SLC49A4: variants seen among roughly 807,000 people sequenced by gnomAD.
SLC49A4 encodes the protein disrupted in renal cancer protein 2.
A neutral mutation model predicts 50.6 loss-of-function variants in SLC49A4; 36 were observed. The observed-to-expected ratio is 0.71, with a 90% CI of 0.55 to 0.94. SLC49A4 has a LOEUF of 0.94. SLC49A4 is among the 40% of genes least tolerant of loss of function. SLC49A4 has a pLI of 0.00. For missense variants in SLC49A4, 503 were observed against 605.7 expected (o/e 0.83, Z 1.78); for synonymous variants, 248 against 241.2 (o/e 1.03, Z -0.26).
At position 122,795,246 on chromosome 3, in the gene SLC49A4, G is replaced by C; in HGVS notation, c.54G>C (p.Gly18=). Residue 18 remains glycine (G), a synonymous_variant, in exon 1 of 9, where the codon GGG becomes GGC. Transcript: ENST00000261038. The part of the protein sequence containing the change: ...EEERQPLLGP[G]LGPGLGASWR... The stretch of plus-strand genomic sequence containing the variant: ...AGAGGCAGCCGCTGCTGGGGCCCGG[G>C]CTCGGGCCTGGGCTGGGGGCCTCCT... 7.4e-7 allele frequency: 1 copy of C among 1,348,266 alleles called. No homozygotes were observed. Among genetic ancestry groups the C allele is most frequent in the Non-Finnish European group, 9.4e-7 (1 of 1,059,370 alleles). 83.5% of individuals were successfully genotyped at this position (1,348,266 alleles called of 1,614,324 possible). A position where few individuals can be genotyped will look rare whatever the true frequency, so the allele number is the denominator to read the frequency against.
At chr3:122,869,338 A>G (rs950083024) in intron 7 of SLC49A4, among the ~76,000 whole-genome samples, 5 of 152,190 alleles carry the variant, frequency 3.3e-5, no homozygotes, top group African/African-American at 9.6e-5. Context: ...TTATTTTAAT[A>G]TAACATACTT....
chr3:122,807,314 A>G (rs1361251302), intron 2 of SLC49A4, among the ~76,000 whole-genome samples: 1 of 152,130 alleles, frequency 6.6e-6, no homozygotes, highest in Non-Finnish European at 1.5e-5. Context: ...TATCAAAAAG[A>G]GGAGTTCATA....
Position 122,814,510 on chromosome 3 carries a change from T to G in SLC49A4, c.437+7560T>G, listed in dbSNP as rs116826501. Among the ~76,000 whole-genome samples, 559 of 152,322 alleles carry G rather than the reference T, an allele frequency of 3.7e-3. 4 individuals are homozygous for G. Among genetic ancestry groups the G allele is most frequent in the African/African-American group, 0.013 (542 of 41,564 alleles). ...GTAGACATGGCTAACAATTGTTGAT[T>G]CTCAGATTTCATCATTTAAATGTAT... On this transcript the variant is annotated intron_variant, in intron 2 of 8. Coordinates refer to ENST00000261038, the MANE Select transcript of SLC49A4 (RefSeq NM_032839.3).
chr3:122,805,612 G>A (rs1179215589), intron 1 of SLC49A4, among the ~76,000 whole-genome samples: 1 of 152,196 alleles, frequency 6.6e-6, no homozygotes, highest in Non-Finnish European at 1.5e-5. Flanking sequence ...GAAGCAATGT[G>A]GCCACCTTTG....
chr3:122,832,142 G>A (rs9847351), intron 3 of SLC49A4, among the ~76,000 whole-genome samples: 13,405 of 152,114 alleles, frequency 0.088, 668 homozygotes, highest in Non-Finnish European at 0.12. Context: ...CCAACTGAAA[G>A]GACCTCTAGA....
chr3:122,851,685 A>G (rs1031657110), intron 5 of SLC49A4, among the ~76,000 whole-genome samples: 1 of 152,004 alleles, frequency 6.6e-6, no homozygotes, highest in Non-Finnish European at 1.5e-5. Context: ...GATGTCTCTC[A>G]TTAATTTCTG....
chr3:122,845,607 GTT>G (rs35604258), intron 4 of SLC49A4, among the ~76,000 whole-genome samples, 154 bp from the exon 5 acceptor site: 2,461 of 97,348 alleles, frequency 0.025, 41 homozygotes, highest in African/African-American at 0.084. Context: ...TTTCCAGCAC[GTT>G]TTTTTTTTTT....
chr3:122,879,330 C>T lies in SLC49A4; in HGVS notation c.1389C>T (p.Phe463=). The T allele has an allele frequency of 6.2e-7, 1 of 1,614,004 alleles. No individual in the cohort carries two copies. The highest frequency in any genetic ancestry group is 1.3e-5 in the African/African-American group (1 of 75,036). ...CLLSLLLILC[F]RESYDRLYLD... is the part of the protein sequence containing the mutation. ...TCAGTCTCCTCCTCATTCTGTGCTT[C>T]AGGGAATCCTATGACAGACTCTATC... Residue 463 remains phenylalanine, a synonymous_variant, in exon 9 of 9, where the codon TTC becomes TTT. Coordinates refer to ENST00000261038, the MANE Select transcript of SLC49A4 (RefSeq NM_032839.3).
chr3:122,835,563 A>AT (rs902747241), intron 4 of SLC49A4, among the ~76,000 whole-genome samples: 2 of 152,040 alleles, frequency 1.3e-5, no homozygotes, highest in Non-Finnish European at 2.9e-5. Flanking sequence ...TCTCTTTATG[A>AT]TAAAAAAAAA....
At chr3:122,813,767 A>G (rs1475403374) in intron 2 of SLC49A4, among the ~76,000 whole-genome samples, 1 of 152,262 alleles carries the variant, frequency 6.6e-6, no homozygotes, top group African/African-American at 2.4e-5. Flanking sequence ...AATTTAACAT[A>G]TAATTTAAAA....
chr3:122,801,456 G>A (rs1298831859), intron 1 of SLC49A4, among the ~76,000 whole-genome samples: 1 of 152,158 alleles, frequency 6.6e-6, no homozygotes, highest in Non-Finnish European at 1.5e-5. Flanking sequence ...GCCAGGTCTG[G>A]TGGTGGGCAC....
chr3:122,842,125 A>T (rs1197201077), intron 4 of SLC49A4, among the ~76,000 whole-genome samples: 1 of 151,970 alleles, frequency 6.6e-6, no homozygotes, highest in African/African-American at 2.4e-5. Context: ...TGACATACTA[A>T]TAATTTTGGA....
chr3:122,797,211 G>T (rs1936055879), intron 1 of SLC49A4, among the ~76,000 whole-genome samples: 1 of 147,352 alleles, frequency 6.8e-6, no homozygotes, highest in African/African-American at 2.5e-5. Flanking sequence ...AAAACAAGAA[G>T]CAAAATAGTT....
At chr3:122,856,459 C>A in intron 6 of SLC49A4, 85 bp downstream of exon 6, 2 of 1,245,482 alleles carry the variant, frequency 1.6e-6, no homozygotes, top group Non-Finnish European at 2.3e-6. Flanking sequence ...ATAAACATTA[C>A]AATTCAGGGA....
chr3:122,854,818 G>A (rs1179729213), intron 5 of SLC49A4, among the ~76,000 whole-genome samples: 10 of 152,146 alleles, frequency 6.6e-5, no homozygotes, highest in South Asian at 2.1e-4. Flanking sequence ...AAGGCTGGGC[G>A]CGGTGGCTCA....
intron 7 of SLC49A4, among the ~76,000 whole-genome samples, chr3:122,862,144 A>G (rs1335428333): frequency 6.6e-6 from 1 of 152,248 alleles, no homozygotes; most frequent in Non-Finnish European, 1.5e-5. Flanking sequence ...TAAGGATGAA[A>G]TAAAAATATA....
rs368057672 is a variant in SLC49A4 at position 122,808,318 on chromosome 3, A to G, written c.437+1368A>G. On this transcript the variant is annotated intron_variant, in intron 2 of 8. Coordinates refer to ENST00000261038, the MANE Select transcript of SLC49A4 (RefSeq NM_032839.3). ...ATACATAGTATGTGCTATGGAGAGT[A>G]AAACAAAATAGGAAAGAAGGATATG... Among the ~76,000 whole-genome samples the G allele has an allele frequency of 9.2e-5, 14 of 152,346 alleles. No individual in the cohort carries two copies. The East Asian group carries it at 2.5e-3, about 27-fold the overall frequency.
intron 4 of SLC49A4, among the ~76,000 whole-genome samples, chr3:122,845,248 A>T (rs1936831697): frequency 6.6e-6 from 1 of 152,170 alleles, no homozygotes; most frequent in Non-Finnish European, 1.5e-5. Flanking sequence ...TAGTTTTCTT[A>T]GGATAATGGC....
chr3:122,845,431 G>A (rs1366187200), intron 4 of SLC49A4, among the ~76,000 whole-genome samples: 3 of 152,032 alleles, frequency 2.0e-5, no homozygotes, highest in Non-Finnish European at 4.4e-5. Flanking sequence ...GAATACACTC[G>A]TGCATGTGTT....
Sources: gnomAD v4.1 joint callset for allele counts (sites outside exome capture counted in the v4.1 genomes callset) on GRCh38, gnomAD v4.1.1 for gene constraint, MANE v1.5 for transcripts, NCBI Gene and HGNC (gene_info 2026-07-23, HGNC 2026-07-21) for gene names.